BICRA: variants seen among roughly 807,000 people sequenced by gnomAD.
BICRA encodes BRD4-interacting chromatin-remodeling complex-associated protein.
A neutral mutation model predicts 96.9 loss-of-function variants in BICRA; 31 were observed. The observed-to-expected ratio is 0.32, with a 90% CI of 0.24 to 0.43. BICRA has a LOEUF of 0.43. Among genes scored for constraint, BICRA ranks in the 20% least tolerant of loss-of-function variants. BICRA has a pLI of 1.00. For missense variants in BICRA, 2,283 were observed against 2,190.3 expected, an observed-to-expected ratio of 1.04 and a Z score of -0.84; for synonymous variants, 1,350 against 1,071.8, an observed-to-expected ratio of 1.26 and a Z score of -5.07.
chr19:47,701,961 G>T lies in BICRA; in HGVS notation c.4229G>T (p.Arg1410Leu). The T allele has an allele frequency of 1.4e-6, 2 of 1,457,610 alleles. No individual in the cohort carries two copies. Among genetic ancestry groups the T allele is most frequent in the Non-Finnish European group, 9.0e-7 (1 of 1,115,122 alleles). The allele number at this position is 1,457,610 out of a possible 1,614,324, so 90.3% of individuals were successfully genotyped here. A position where few individuals can be genotyped will look rare whatever the true frequency, so the allele number is the denominator to read the frequency against. The change falls in exon 15 of 15, where the codon CGG becomes CTG. Residue 1410 changes from arginine to leucine, a missense_variant. By Grantham distance (102) the Arg-to-Leu change is moderately radical. Coordinates refer to ENST00000594866, the MANE Select transcript of BICRA (RefSeq NM_001394372.1). The surrounding 1 kb of genome is among the most constrained non-coding windows in gnomAD (Gnocchi z 5.4). ...APEGTPAGRA[R>L]GGSPAPLPAK... ...GAGGGGACGCCCGCAGGCAGGGCAC[G>T]GGGAGGCAGCCCGGCGCCGCTGCCC... is the stretch of plus-strand genomic sequence containing the variant.
In BICRA at chr19:47,699,422, A is replaced by T; in HGVS notation, c.3595+17A>T. 1.5e-6 allele frequency: 2 copies of T among 1,359,388 alleles called. No homozygotes were observed. Among genetic ancestry groups the T allele is most frequent in the Non-Finnish European group, 2.1e-6 (2 of 971,172 alleles). 84.2% of individuals were successfully genotyped at this position (1,359,388 alleles called of 1,614,324 possible). On this transcript the variant is annotated intron_variant, in intron 14 of 14. Transcript: ENST00000594866. This position sits in a 1 kb window ranked among gnomAD's most constrained non-coding sequence, Gnocchi z 5.0. ...AGAAGCCGGGTGAGAGGGGGGAGTG[A>T]GAGGGGAGGGGAGGGAGAGGTGCCC... is the stretch of plus-strand genomic sequence containing the variant.
intron 1 of BICRA, among the ~76,000 whole-genome samples, chr19:47,659,388 C>G (rs1215967683): frequency 1.3e-5 from 2 of 152,118 alleles, no homozygotes; most frequent in Admixed American, 1.3e-4. Flanking sequence ...TCCCTGTTTT[C>G]CTTTTCTAGC....
At chr19:47,690,707 C>G (rs1973228302) in intron 7 of BICRA, among the ~76,000 whole-genome samples, 1 of 151,862 alleles carries the variant, frequency 6.6e-6, no homozygotes, top group South Asian at 2.1e-4. Context: ...TAGAGTCTCT[C>G]TATATATGAG....
At chr19:47,696,319 C>A in intron 10 of BICRA, 132 bp from the exon 11 acceptor site, 1 of 753,162 alleles carries the variant, frequency 1.3e-6, no homozygotes, top group Non-Finnish European at 2.2e-6. Flanking sequence ...GATCCTGTAG[C>A]TGGGGCCAGG....
chr19:47,634,713 A>G (rs1972272795), intron 1 of BICRA, among the ~76,000 whole-genome samples: 1 of 151,354 alleles, frequency 6.6e-6, no homozygotes. Context: ...TGGGCCAGAT[A>G]CTTTGGTGCC....
In BICRA at chr19:47,701,797, C is replaced by T. The variant is rs1973455241; in HGVS notation, c.4065C>T (p.Pro1355=). The change falls in exon 15 of 15, where the codon CCC becomes CCT. Residue 1355 remains proline (P), a synonymous_variant. Coordinates refer to ENST00000594866, the MANE Select transcript of BICRA (RefSeq NM_001394372.1). This position sits in a 1 kb window ranked among gnomAD's most constrained non-coding sequence, Gnocchi z 5.4. ...PPPRPPPPPP[P]TGQMNGTVDH... The stretch of plus-strand genomic sequence containing the variant: ...CACGGCCGCCACCACCACCGCCGCC[C>T]ACGGGCCAGATGAACGGCACGGTGG... 3.9e-6 allele frequency: 6 copies of T among 1,539,178 alleles called. No individual in the cohort carries two copies. Among genetic ancestry groups the T allele is most frequent in the Non-Finnish European group, 5.2e-6 (6 of 1,144,510 alleles).
intron 1 of BICRA, among the ~76,000 whole-genome samples, chr19:47,654,426 AAATC>A (rs1972584689): frequency 6.6e-6 from 1 of 152,166 alleles, no homozygotes; most frequent in African/African-American, 2.4e-5. Flanking sequence ...TAAAAAAAAA[AAATC>A]AACCTGTTTA....
At chr19:47,621,318 G>C (rs1972061226) in intron 1 of BICRA, among the ~76,000 whole-genome samples, 1 of 152,110 alleles carries the variant, frequency 6.6e-6, no homozygotes, top group Admixed American at 6.6e-5. Flanking sequence ...GCTGTCTCAA[G>C]GCTGTTTTGT....
intron 1 of BICRA, among the ~76,000 whole-genome samples, chr19:47,626,964 C>T (rs565108197): frequency 3.0e-4 from 45 of 152,100 alleles, no homozygotes; most frequent in African/African-American, 9.6e-4. Context: ...TCAAGTGATC[C>T]GCCCGTCTTG....
intron 7 of BICRA, among the ~76,000 whole-genome samples, chr19:47,688,801 A>G (rs1019821392): frequency 6.6e-6 from 1 of 152,114 alleles, no homozygotes; most frequent in Non-Finnish European, 1.5e-5. Context: ...TCAAAAAAAA[A>G]AAATTTTTTT....
Position 47,679,951 on chromosome 19 carries a change from G to T in BICRA, c.781G>T (p.Gly261Cys). The T allele has an allele frequency of 6.7e-7, 1 of 1,502,582 alleles. No individual in the cohort carries two copies. The highest frequency in any genetic ancestry group is 2.6e-5 in the East Asian group (1 of 38,766). The allele number at this position is 1,502,582 out of a possible 1,614,324, so 93.1% of individuals were successfully genotyped here. ...QLLAKQVPVS[G>C]YLASAAGPSE... ...CCTGGCCAAGCAGGTGCCCGTCAGC[G>T]GCTACCTGGCCTCGGCGGCTGGCCC... The change falls in exon 6 of 15, where the codon GGC (glycine) becomes TGC (cysteine). Residue 261 changes from glycine (G) to cysteine (C), a missense_variant. By Grantham distance (159) the Gly-to-Cys change is radical (BLOSUM62 -3). Coordinates refer to ENST00000594866, the MANE Select transcript of BICRA (RefSeq NM_001394372.1).
rs2123612954 is a variant in BICRA at position 47,698,698 on chromosome 19, C to T, written c.3313C>T (p.Pro1105Ser). The change falls in exon 12 of 15, where the codon CCC becomes TCC. Residue 1105 changes from proline (P) to serine (S), a missense_variant. Coordinates refer to ENST00000594866, the MANE Select transcript of BICRA (RefSeq NM_001394372.1). The surrounding 1 kb of genome is among the most constrained non-coding windows in gnomAD (Gnocchi z 4.8). ...VLHPDYKTAF[P>S]SFEDALHRLL... ...GCACCCCGACTACAAGACGGCCTTC[C>T]CCTCCTTTGAGGACGCCCTGCATCG... is the stretch of plus-strand genomic sequence containing the variant. 1.3e-6 allele frequency: 2 copies of T among 1,599,192 alleles called. No individual in the cohort carries two copies. Among genetic ancestry groups the T allele is most frequent in the Admixed American group, 1.7e-5 (1 of 60,008 alleles).
intron 1 of BICRA, among the ~76,000 whole-genome samples, 181 bp downstream of exon 1, chr19:47,609,349 C>A (rs939682089): frequency 2.7e-5 from 4 of 147,718 alleles, no homozygotes; most frequent in East Asian, 2.0e-4. Context: ...CTCAGCCCCC[C>A]AGCCGGGGCG....
At chr19:47,672,950 A>G (rs1274114502) in intron 2 of BICRA, among the ~76,000 whole-genome samples, 1 of 151,562 alleles carries the variant, frequency 6.6e-6, no homozygotes, top group African/African-American at 2.4e-5. Context: ...CAGTTTCCCC[A>G]CCACCCTCCC....
intron 1 of BICRA, among the ~76,000 whole-genome samples, chr19:47,638,500 C>T (rs574227125): frequency 6.6e-6 from 1 of 152,286 alleles, no homozygotes; most frequent in East Asian, 1.9e-4. Context: ...ATACCCACGT[C>T]CTCTTCCCAG....
chr19:47,681,141 C>A lies in BICRA; in HGVS notation c.1971C>A (p.Ala657=). Reference sequence around the variant, plus strand: ...AGGCCCCCACCCCACAGGCCGCCGCCCCGCCTCAGGCCACCACCCCCCAGC... The same window carrying A: ...AGGCCCCCACCCCACAGGCCGCCGCACCGCCTCAGGCCACCACCCCCCAGC... ...PPQAPTPQAA[A]PPQATTPQPS... is the part of the protein sequence containing the mutation. Residue 657 remains alanine, a synonymous_variant, in exon 6 of 15, where the codon GCC becomes GCA. Transcript: ENST00000594866. 1 of 1,513,700 alleles carries A rather than the reference C, an allele frequency of 6.6e-7. No individual in the cohort carries two copies. The highest frequency in any genetic ancestry group is 8.9e-7 in the Non-Finnish European group (1 of 1,129,830). 93.8% of individuals were successfully genotyped at this position (1,513,700 alleles called of 1,614,324 possible).
intron 7 of BICRA, among the ~76,000 whole-genome samples, chr19:47,684,363 G>A (rs117129474): frequency 0.02 from 2,984 of 152,220 alleles, 39 homozygotes; most frequent in Non-Finnish European, 0.026. Context: ...CATATTTTTA[G>A]TAGAGATAGT....
intron 1 of BICRA, among the ~76,000 whole-genome samples, chr19:47,621,109 C>T (rs918826845): frequency 2.0e-5 from 3 of 152,136 alleles, no homozygotes; most frequent in African/African-American, 4.8e-5. Flanking sequence ...CACTGCTCAG[C>T]GGGGAAACCG....
At position 47,630,159 on chromosome 19, in the gene BICRA, C is replaced by CTT. The variant is rs778786532; in HGVS notation, c.-108+21009_-108+21010dup. 4.9e-3 allele frequency among the ~76,000 whole-genome samples: 503 copies of CTT among 103,420 alleles called. 18 individuals are homozygous for CTT. The highest frequency in any genetic ancestry group is 8.1e-3 in the African/African-American group (216 of 26,598). 67.8% of individuals were successfully genotyped at this position (103,420 alleles called of 152,430 possible). ...TCTACTCTCTATATATTGGCCAATT[C>CTT]TTTTTTTTTTTTTTTTTTTGAGATG... is the stretch of plus-strand genomic sequence containing the variant. On this transcript the variant is annotated intron_variant, in intron 1 of 14. Transcript: ENST00000594866.
Sources: gnomAD v4.1 joint callset for allele counts (sites outside exome capture counted in the v4.1 genomes callset) on GRCh38, gnomAD v4.1.1 for gene constraint, Gnocchi (gnomAD v3.1) non-coding constraint, MANE v1.5 for transcripts, NCBI Gene and HGNC (gene_info 2026-07-23, HGNC 2026-07-21) for gene names.